The following DENND1A variants were observed in gnomAD, a reference collection of about 807,000 sequenced individuals.
DENND1A encodes the protein DENN domain-containing protein 1A.
Under a neutral mutation model 113.7 loss-of-function variants are expected in DENND1A, and 51 were observed. The ratio of observed to expected loss-of-function variants is 0.45; its 90% CI spans 0.36 to 0.57. DENND1A has a LOEUF of 0.57. Among genes scored for constraint, DENND1A ranks in the 20% least tolerant of loss-of-function variants. The pLI, the probability that DENND1A is intolerant of heterozygous loss-of-function variation, is 0.00. For missense variants in DENND1A, 1,258 were observed against 1,395.9 expected, an observed-to-expected ratio of 0.90 and a Z score of 1.57; for synonymous variants, 565 against 570.8, an observed-to-expected ratio of 0.99 and a Z score of 0.14.
At chr9:123,745,708 C>T (rs890439839) in intron 5 of DENND1A, among the ~76,000 whole-genome samples, 2 of 152,208 alleles carry the variant, frequency 1.3e-5, no homozygotes, top group African/African-American at 4.8e-5. Context: ...AAGTCACACG[C>T]TAGAAACAGT....
At chr9:123,387,396 G>A (rs2042620439) in intron 22 of DENND1A, among the ~76,000 whole-genome samples, 1 of 152,202 alleles carries the variant, frequency 6.6e-6, no homozygotes, top group African/African-American at 2.4e-5. Context: ...CTGAGATAAA[G>A]AAGGACTTGG....
chr9:123,675,618 A>G (rs2064030986), intron 6 of DENND1A, among the ~76,000 whole-genome samples: 1 of 152,230 alleles, frequency 6.6e-6, no homozygotes, highest in Non-Finnish European at 1.5e-5. Context: ...AAAGAAAAAT[A>G]TAAGACATTA....
chr9:123,829,505 G>A (rs1172756629), intron 2 of DENND1A, among the ~76,000 whole-genome samples: 1 of 151,836 alleles, frequency 6.6e-6, no homozygotes, highest in Non-Finnish European at 1.5e-5. Context: ...GAAACAGAAG[G>A]TAAAAGGAGA....
At chr9:123,446,951 A>T (rs116920211) in intron 18 of DENND1A, among the ~76,000 whole-genome samples, 4,353 of 152,342 alleles carry the variant, frequency 0.029, 116 homozygotes, top group Middle Eastern at 0.065. Flanking sequence ...TCAATAGGCA[A>T]AAGAGGACAT....
chr9:123,484,728 A>G (rs1353551340), intron 13 of DENND1A, among the ~76,000 whole-genome samples: 1 of 152,122 alleles, frequency 6.6e-6, no homozygotes, highest in Non-Finnish European at 1.5e-5. Flanking sequence ...TGTTACTCAC[A>G]TAGTCCTGTT....
intron 11 of DENND1A, among the ~76,000 whole-genome samples, chr9:123,590,525 C>T (rs931091598): frequency 1.1e-4 from 16 of 152,146 alleles, no homozygotes; most frequent in Non-Finnish European, 1.8e-4. Flanking sequence ...GTACCTACCT[C>T]ACAGATTTGT....
chr9:123,423,196 C>T (rs761573848), intron 19 of DENND1A, among the ~76,000 whole-genome samples: 3 of 152,170 alleles, frequency 2.0e-5, no homozygotes, highest in Non-Finnish European at 4.4e-5. Flanking sequence ...ACTGACTTCC[C>T]GAAAGCTCAG....
intron 2 of DENND1A, among the ~76,000 whole-genome samples, chr9:123,795,241 T>C (rs1169339546): frequency 2.0e-5 from 3 of 152,362 alleles, no homozygotes; most frequent in East Asian, 1.9e-4. Context: ...TTCAGTCCGA[T>C]AGTTCATAAA....
intron 2 of DENND1A, among the ~76,000 whole-genome samples, chr9:123,831,958 G>A (rs1195815614): frequency 6.6e-6 from 1 of 151,984 alleles, no homozygotes; most frequent in Non-Finnish European, 1.5e-5. Flanking sequence ...ACTCCAGCCT[G>A]GGCAACAGAG....
chr9:123,847,573 A>G (rs1842790815), intron 2 of DENND1A, among the ~76,000 whole-genome samples: 1 of 152,238 alleles, frequency 6.6e-6, no homozygotes, highest in East Asian at 1.9e-4. Context: ...TGCCACTAAC[A>G]AAGAATATTA....
At chr9:123,540,819 C>T (rs1023918085) in intron 13 of DENND1A, among the ~76,000 whole-genome samples, 1 of 152,156 alleles carries the variant, frequency 6.6e-6, no homozygotes, top group Non-Finnish European at 1.5e-5. Context: ...GACTAAGAAG[C>T]AAGATGCTAG....
intron 20 of DENND1A, among the ~76,000 whole-genome samples, chr9:123,404,268 G>C (rs1300459540): frequency 1.3e-5 from 2 of 152,158 alleles, no homozygotes; most frequent in African/African-American, 4.8e-5. Context: ...GCCAGAGTTC[G>C]TGATGGATGT....
intron 5 of DENND1A, among the ~76,000 whole-genome samples, chr9:123,755,282 C>T (rs892290614): frequency 9.2e-5 from 14 of 151,896 alleles, no homozygotes; most frequent in African/African-American, 2.7e-4. Flanking sequence ...GCCACCACTC[C>T]GGCTAATTTT....
At chr9:123,773,380 A>C (rs1830014670) in intron 3 of DENND1A, among the ~76,000 whole-genome samples, 1 of 152,218 alleles carries the variant, frequency 6.6e-6, no homozygotes, top group Admixed American at 6.5e-5. Context: ...CACTTCATCC[A>C]ATTCTAATTC....
intron 1 of DENND1A, among the ~76,000 whole-genome samples, chr9:123,913,113 TAAA>T (rs915063969): frequency 4.6e-5 from 4 of 86,710 alleles, no homozygotes; most frequent in Non-Finnish European, 4.7e-5. Context: ...AAAGACAGTT[TAAA>T]AAAAAAAAAA....
intron 4 of DENND1A, among the ~76,000 whole-genome samples, chr9:123,763,482 A>G (rs1206889601): frequency 2.6e-5 from 4 of 152,222 alleles, no homozygotes; most frequent in Admixed American, 2.6e-4. Context: ...AGAAGCCTGT[A>G]AAACATCTAA....
chr9:123,477,491 A>C (rs558577421), intron 13 of DENND1A, among the ~76,000 whole-genome samples: 1 of 151,920 alleles, frequency 6.6e-6, no homozygotes, highest in Non-Finnish European at 1.5e-5. Flanking sequence ...CGTGAGGTTA[A>C]GGCTGCAGTG....
intron 12 of DENND1A, among the ~76,000 whole-genome samples, chr9:123,558,023 GT>G (rs1367418061): frequency 6.6e-6 from 1 of 151,994 alleles, no homozygotes; most frequent in Non-Finnish European, 1.5e-5. Context: ...ATTAGGGCAT[GT>G]TTTTGAAATT....
In DENND1A at chr9:123,382,572, C is replaced by G; in HGVS notation, c.2073G>C (p.Lys691Asn). The change falls in exon 24 of 24, where the codon AAG becomes AAC. Residue 691 changes from lysine to asparagine, a missense_variant. Lys to Asn is a moderately conservative substitution (Grantham distance 94). Coordinates refer to ENST00000394215, the MANE Select transcript of DENND1A (RefSeq NM_001352964.2). ...ERSRGVTVALKLTHPYNKLWS... is the reference protein window; with the variant it reads ...ERSRGVTVALNLTHPYNKLWS... Reference sequence around the variant, plus strand: ...AGAGCTTGTTGTACGGGTGGGTAAGCTTCAAGGCCACTGTCACCCCGCGGC... The same window carrying G: ...AGAGCTTGTTGTACGGGTGGGTAAGGTTCAAGGCCACTGTCACCCCGCGGC... The G allele has an allele frequency of 1.2e-6, 2 of 1,614,080 alleles. No homozygotes were observed. The highest frequency in any genetic ancestry group is 1.7e-6 in the Non-Finnish European group (2 of 1,180,016).
Sources: gnomAD v4.1 joint callset for allele counts (sites outside exome capture counted in the v4.1 genomes callset) on GRCh38, gnomAD v4.1.1 for gene constraint, MANE v1.5 for transcripts, NCBI Gene and HGNC (gene_info 2026-07-23, HGNC 2026-07-21) for gene names.